CSMD1: variants seen among roughly 807,000 people sequenced by gnomAD.
CSMD1 encodes the protein CUB and sushi domain-containing protein 1.
In CSMD1, 213 loss-of-function variants were observed where a neutral mutation model predicts 417.5. That is an observed-to-expected ratio of 0.51 (90% CI 0.46 to 0.57). The LOEUF (loss-of-function observed/expected upper bound fraction) is 0.57. Ranked by LOEUF, CSMD1 falls within the 20% of genes least tolerant of loss-of-function variation. The pLI is 0.00. For missense variants in CSMD1, 6,923 were observed against 4,529.7 expected (o/e 1.53, Z -15.17); for synonymous variants, 2,862 against 1,736.8 (o/e 1.65, Z -16.11).
intron 10 of CSMD1, among the ~76,000 whole-genome samples, chr8:3,508,700 G>GT (rs1168092500): frequency 6.6e-6 from 1 of 151,996 alleles, no homozygotes; most frequent in Non-Finnish European, 1.5e-5. Flanking sequence ...TTTTCTGCGA[G>GT]TTTTATGTCA....
chr8:3,574,902 G>A lies in CSMD1; in HGVS notation c.1344+43C>T, dbSNP rs754963301. 3.1e-6 allele frequency: 5 copies of A among 1,604,126 alleles called. No homozygotes were observed. In the South Asian group the frequency reaches 3.3e-5, roughly 11 times the overall value. On this transcript the variant is annotated intron_variant, in intron 10 of 69. Transcript: ENST00000635120. ...TGCTTCAACAATAGATCCTATAAGAGTGCTGTGTGCATTAACCACAGGGGT... is the reference window on the plus strand; with the variant it reads ...TGCTTCAACAATAGATCCTATAAGAATGCTGTGTGCATTAACCACAGGGGT...
At chr8:4,171,554 C>G (rs1310410015) in intron 3 of CSMD1, among the ~76,000 whole-genome samples, 1 of 151,696 alleles carries the variant, frequency 6.6e-6, no homozygotes. Context: ...ACAATAACTA[C>G]TGGATATGGA....
At chr8:3,201,570 G>A in intron 32 of CSMD1, 42 bp downstream of exon 32, 1 of 1,069,414 alleles carries the variant, frequency 9.4e-7, no homozygotes, top group Non-Finnish European at 1.4e-6. Context: ...AATCCCCCTA[G>A]CTGTCTGAAC....
chr8:4,736,906 C>T (rs549086579), intron 1 of CSMD1, among the ~76,000 whole-genome samples: 90 of 152,292 alleles, frequency 5.9e-4, no homozygotes, highest in African/African-American at 2.1e-3. Context: ...CAGCTGTCAT[C>T]ATCATCCTCT....
intron 3 of CSMD1, among the ~76,000 whole-genome samples, chr8:4,069,297 T>C (rs1167906575): frequency 6.6e-6 from 1 of 152,244 alleles, no homozygotes; most frequent in African/African-American, 2.4e-5. Flanking sequence ...CATTATTTTT[T>C]GACCATTTTT....
intron 51 of CSMD1, among the ~76,000 whole-genome samples, chr8:3,020,630 C>T (rs1176244277): frequency 6.6e-6 from 1 of 152,104 alleles, no homozygotes; most frequent in African/African-American, 2.4e-5. Context: ...CCATCTTGGC[C>T]TTCCCAGAAG....
At chr8:3,049,730 C>T (rs963601314) in intron 50 of CSMD1, among the ~76,000 whole-genome samples, 2 of 152,092 alleles carry the variant, frequency 1.3e-5, no homozygotes, top group Admixed American at 6.5e-5. Context: ...ACAGATGGTG[C>T]AACACCAAAA....
intron 7 of CSMD1, among the ~76,000 whole-genome samples, chr8:3,703,054 G>A (rs773886746): frequency 4.6e-5 from 7 of 152,016 alleles, no homozygotes; most frequent in Non-Finnish European, 7.3e-5. Context: ...TATAAACCAC[G>A]TAATTATAAA....
In CSMD1 at chr8:4,982,212, T is replaced by A. The variant is rs1001531157; in HGVS notation, c.85+12120A>T. Among the ~76,000 whole-genome samples the A allele has an allele frequency of 2.0e-4, 30 of 152,174 alleles. 1 individual carries two copies. The highest frequency in any genetic ancestry group is 2.9e-5 in the Non-Finnish European group (2 of 68,028). On this transcript the variant is annotated intron_variant, in intron 1 of 69. Transcript: ENST00000635120. ...CCCCTGACCCACGGAAACTATCAGG[T>A]AATGCATGTGTGCTGTTTGAAGCTG...
intron 7 of CSMD1, among the ~76,000 whole-genome samples, chr8:3,670,185 C>T (rs1798914190): frequency 1.3e-5 from 2 of 151,964 alleles, no homozygotes; most frequent in South Asian, 4.1e-4. Context: ...GGCAGACTTA[C>T]ACTTAATCTG....
At chr8:4,378,922 C>T (rs1350236734) in intron 3 of CSMD1, among the ~76,000 whole-genome samples, 3 of 152,086 alleles carry the variant, frequency 2.0e-5, no homozygotes, top group Non-Finnish European at 4.4e-5. Flanking sequence ...CTTCCCAGCC[C>T]CTGGAATTGT....
intron 3 of CSMD1, among the ~76,000 whole-genome samples, chr8:4,345,425 C>A (rs145062984): frequency 6.6e-6 from 1 of 151,870 alleles, no homozygotes; most frequent in African/African-American, 2.4e-5. Context: ...GTATAGTGAT[C>A]AAATCAGGAT....
intron 5 of CSMD1, among the ~76,000 whole-genome samples, chr8:3,822,508 T>C (rs933727592): frequency 3.3e-5 from 5 of 152,234 alleles, no homozygotes; most frequent in Non-Finnish European, 7.3e-5. Flanking sequence ...TAGGTACTCA[T>C]GCACAGCAAA....
At chr8:3,309,077 C>G (rs1321379746) in intron 23 of CSMD1, among the ~76,000 whole-genome samples, 2 of 152,210 alleles carry the variant, frequency 1.3e-5, no homozygotes, top group East Asian at 1.9e-4. Flanking sequence ...GTCCAAGCCT[C>G]CAGTCTGCAC....
intron 3 of CSMD1, among the ~76,000 whole-genome samples, chr8:4,394,529 G>C (rs1163417316): frequency 6.6e-6 from 1 of 152,140 alleles, no homozygotes; most frequent in Non-Finnish European, 1.5e-5. Flanking sequence ...CGCTCATTCA[G>C]CCTAAACTCA....
chr8:3,945,164 G>T (rs966058658), intron 5 of CSMD1, among the ~76,000 whole-genome samples: 1 of 101,150 alleles, frequency 9.9e-6, no homozygotes, highest in South Asian at 3.8e-4. Flanking sequence ...CCAATAATTT[G>T]ACCATGAGAA....
Position 3,887,246 on chromosome 8 carries a change from G to C in CSMD1, c.818+110657C>G, listed in dbSNP as rs576388877. ...TCTTAGCCATGAGAAGGACATCAATGTTCTTGCACAGCAGTGGTGACACAA... is the reference window on the plus strand; with the variant it reads ...TCTTAGCCATGAGAAGGACATCAATCTTCTTGCACAGCAGTGGTGACACAA... On this transcript the variant is annotated intron_variant, in intron 5 of 69. Transcript: ENST00000635120. 5.3e-5 allele frequency among the ~76,000 whole-genome samples: 8 copies of C among 152,300 alleles called. No homozygotes were observed. The East Asian group carries it at 1.5e-3, about 29-fold the overall frequency.
chr8:3,516,942 G>C (rs1012347574), intron 10 of CSMD1, among the ~76,000 whole-genome samples: 1 of 152,192 alleles, frequency 6.6e-6, no homozygotes, highest in Non-Finnish European at 1.5e-5. Context: ...GTCAATCAAC[G>C]AGTGGATAAA....
chr8:4,188,199 G>C (rs527659889), intron 3 of CSMD1, among the ~76,000 whole-genome samples: 1 of 152,114 alleles, frequency 6.6e-6, no homozygotes, highest in South Asian at 2.1e-4. Context: ...TGGCAGGAAG[G>C]GACAATTTTA....
Sources: gnomAD v4.1 joint callset for allele counts (sites outside exome capture counted in the v4.1 genomes callset) on GRCh38, gnomAD v4.1.1 for gene constraint, MANE v1.5 for transcripts, NCBI Gene and HGNC (gene_info 2026-07-23, HGNC 2026-07-21) for gene names.